Variants in PDIA6 observed in about 807,000 individuals in gnomAD.
PDIA6 encodes protein disulfide-isomerase A6.
Under a neutral mutation model 58.4 loss-of-function variants are expected in PDIA6, and 29 were observed. The observed-to-expected ratio is 0.50, with a 90% CI of 0.37 to 0.68. The LOEUF is 0.68. PDIA6 is among the 30% of genes least tolerant of loss of function. The pLI is 0.00. For synonymous variants in PDIA6, 192 were observed against 202.6 expected (o/e 0.95, Z 0.44); for missense variants, 480 against 551.0 (o/e 0.87, Z 1.29).
chr2:10,784,212 C>A lies in PDIA6; in HGVS notation c.*46G>T. ...GTCCCTTCACTGCTGGAAAAATCCA[C>A]TGGCTCCCAAGAAAAGAAAATGGTC... On this transcript the variant is annotated 3_prime_UTR_variant, in exon 13 of 13. Coordinates refer to ENST00000272227, the MANE Select transcript of PDIA6 (RefSeq NM_005742.4). The A allele has an allele frequency of 6.7e-7, 1 of 1,503,270 alleles. No homozygotes were observed. The highest frequency in any genetic ancestry group is 9.2e-7 in the Non-Finnish European group (1 of 1,090,368). The allele number at this position is 1,503,270 out of a possible 1,614,324, so 93.1% of individuals were successfully genotyped here.
At chr2:10,810,433 G>A (rs1042714490) in intron 1 of PDIA6, 1 of 1,400,772 alleles carries the variant, frequency 7.1e-7, no homozygotes, top group Non-Finnish European at 9.2e-7. Context: ...GCAGTCACCA[G>A]AACAGACCAG....
intron 5 of PDIA6, among the ~76,000 whole-genome samples, chr2:10,792,423 GCAGGGGGC>G (rs1666076717): frequency 6.6e-6 from 1 of 152,230 alleles, no homozygotes; most frequent in South Asian, 2.1e-4. Context: ...CAGGCAGGGT[GCAGGGGGC>G]CAGGCAACTA....
chr2:10,786,517 A>G (rs1665766295), intron 11 of PDIA6, among the ~76,000 whole-genome samples: 1 of 124,598 alleles, frequency 8.0e-6, no homozygotes, highest in Non-Finnish European at 1.5e-5. Context: ...TACTCTCCAC[A>G]CAGCACACAC....
intron 1 of PDIA6, 150 bp from the exon 2 acceptor site, chr2:10,802,790 G>T: frequency 4.2e-6 from 2 of 480,198 alleles, no homozygotes; most frequent in East Asian, 3.5e-5. Flanking sequence ...TGCTGCAGTT[G>T]GAGCCCCTGG....
chr2:10,835,190 C>T (rs1233897501), upstream of PDIA6, among the ~76,000 whole-genome samples: 1 of 152,172 alleles, frequency 6.6e-6, no homozygotes, highest in African/African-American at 2.4e-5. Context: ...GGGCGGTGCA[C>T]TTTACCTGAA....
At chr2:10,820,603 T>G (rs1373336852) in intron 1 of PDIA6, among the ~76,000 whole-genome samples, 1 of 152,230 alleles carries the variant, frequency 6.6e-6, no homozygotes, top group African/African-American at 2.4e-5. Flanking sequence ...TTCAGGCTAT[T>G]CTTCGTTAGG....
At chr2:10,794,145 T>C (rs942558278) in intron 4 of PDIA6, among the ~76,000 whole-genome samples, 3 of 152,164 alleles carry the variant, frequency 2.0e-5, no homozygotes, top group Non-Finnish European at 4.4e-5. Context: ...ATAGAATCTC[T>C]TTAGAAAGTT....
At chr2:10,819,887 C>T (rs1667329694) in intron 1 of PDIA6, among the ~76,000 whole-genome samples, 1 of 152,222 alleles carries the variant, frequency 6.6e-6, no homozygotes, top group South Asian at 2.1e-4. Flanking sequence ...GGTGCCCTCT[C>T]TTGTTGCAGT....
exon 2 of PDIA6, chr2:10,819,346 T>C: frequency 6.5e-7 from 1 of 1,530,412 alleles, no homozygotes. Flanking sequence ...GCAGGAGAAG[T>C]TGGTGAGCCT....
chr2:10,834,079 A>G (rs1313947254), upstream of PDIA6, among the ~76,000 whole-genome samples: 1 of 152,242 alleles, frequency 6.6e-6, no homozygotes, highest in East Asian at 1.9e-4. Context: ...TTTTCTAAAT[A>G]CTGTTGCAAA....
intron 2 of PDIA6, among the ~76,000 whole-genome samples, chr2:10,798,862 A>C (rs1002018099): frequency 1.3e-5 from 2 of 152,338 alleles, no homozygotes; most frequent in East Asian, 3.9e-4. Flanking sequence ...TATCTGGCCC[A>C]GATCAACTAT....
At position 10,807,418 on chromosome 2, in the gene PDIA6, G is replaced by T. The variant is rs533225862; in HGVS notation, c.20-4778C>A. On this transcript the variant is annotated intron_variant, in intron 1 of 12. Transcript: ENST00000272227. ...AGGGTCTCCCTGTGTTGCCCAGGCT[G>T]GTCTCAAGTGATCCTCCTGCCTCTG... Among the ~76,000 whole-genome samples the T allele has an allele frequency of 7.2e-5, 11 of 152,278 alleles. No individual in the cohort carries two copies. In the East Asian group the frequency reaches 2.1e-3, roughly 29 times the overall value.
chr2:10,820,106 C>T (rs367883484), intron 1 of PDIA6, among the ~76,000 whole-genome samples: 5 of 152,108 alleles, frequency 3.3e-5, no homozygotes, highest in African/African-American at 9.7e-5. Context: ...ACCTGTGGTT[C>T]GTTGTCTCAT....
intron 1 of PDIA6, chr2:10,820,826 GCACAC>G: frequency 1.4e-6 from 1 of 702,888 alleles, no homozygotes; most frequent in Non-Finnish European, 2.6e-6. Context: ...CCAGTGGTCG[GCACAC>G]CCACACAAGC....
chr2:10,824,411 G>A (rs1462554225), intron 1 of PDIA6, among the ~76,000 whole-genome samples: 1 of 152,228 alleles, frequency 6.6e-6, no homozygotes, highest in East Asian at 1.9e-4. Context: ...TAGCAGCGTT[G>A]TCCAGCTGGC....
At chr2:10,819,285 G>C in exon 2 of PDIA6, 1 of 1,529,194 alleles carries the variant, frequency 6.5e-7, no homozygotes, top group East Asian at 2.4e-5. Flanking sequence ...GGGTGCATTA[G>C]CCATGGTGGT....
intron 5 of PDIA6, 103 bp downstream of exon 5, chr2:10,792,993 T>G: frequency 1.3e-6 from 1 of 755,334 alleles, no homozygotes. Flanking sequence ...TAATTGAGAG[T>G]TCACCACTTT....
chr2:10,788,250 C>T (rs1572650569), intron 10 of PDIA6, among the ~76,000 whole-genome samples: 1 of 152,258 alleles, frequency 6.6e-6, no homozygotes, highest in African/African-American at 2.4e-5. Flanking sequence ...ACCTGGCACT[C>T]CAATCACCAT....
At chr2:10,788,626 G>A (rs1665891377) in intron 10 of PDIA6, 71 bp downstream of exon 10, 1 of 1,037,440 alleles carries the variant, frequency 9.6e-7, no homozygotes, top group South Asian at 1.3e-5. Flanking sequence ...AAAAACACGG[G>A]GGAACCACTC....
Sources: allele counts gnomAD v4.1 joint callset (sites outside exome capture counted in the v4.1 genomes callset), GRCh38; gene constraint gnomAD v4.1.1; transcripts MANE v1.5; gene names NCBI Gene and HGNC (gene_info 2026-07-23, HGNC 2026-07-21).